Variants in XKR6 observed in about 807,000 individuals in gnomAD.
The protein encoded by XKR6 is XK-related protein 6.
Under a neutral mutation model 56.7 loss-of-function variants are expected in XKR6, and 22 were observed. That is an observed-to-expected ratio of 0.39 (90% CI 0.28 to 0.55). XKR6 has a LOEUF of 0.55. Among genes scored for constraint, XKR6 ranks in the 20% least tolerant of loss-of-function variants. The probability of loss-of-function intolerance (pLI) is 0.66; values close to 1 mark genes in which losing one functional copy is unlikely to be tolerated. For missense variants in XKR6, 852 were observed against 889.0 expected (o/e 0.96, Z 0.53); for synonymous variants, 524 against 387.8 (o/e 1.35, Z -4.13).
chr8:11,183,889 T>C (rs1803126106), intron 1 of XKR6, among the ~76,000 whole-genome samples: 1 of 152,128 alleles, frequency 6.6e-6, no homozygotes, highest in Non-Finnish European at 1.5e-5. Context: ...TTGGAAGCAA[T>C]GTACATAGTA....
At chr8:10,989,271 G>C (rs1041150602) in intron 1 of XKR6, among the ~76,000 whole-genome samples, 4 of 152,218 alleles carry the variant, frequency 2.6e-5, no homozygotes, top group Non-Finnish European at 5.9e-5. Context: ...AAGGCTGACA[G>C]AATTTTACAT....
At chr8:11,126,243 A>G (rs989691820) in intron 1 of XKR6, among the ~76,000 whole-genome samples, 1 of 151,608 alleles carries the variant, frequency 6.6e-6, no homozygotes. Context: ...TAATTTTTGT[A>G]TTTTTAGTAA....
rs1400444879 is a variant in XKR6 at position 10,935,267 on chromosome 8, G to C, written c.765-10437C>G. The stretch of plus-strand genomic sequence containing the variant: ...GATATCCCCTTTATCATTTTTTATT[G>C]TGTCTATTTGATTCTTCTCTCTTTT... On this transcript the variant is annotated intron_variant, in intron 1 of 2. Transcript: ENST00000416569. Among the ~76,000 whole-genome samples, 6 of 129,532 alleles carry C rather than the reference G, an allele frequency of 4.6e-5. No homozygotes were observed. In the South Asian group the frequency reaches 7.4e-4, roughly 16 times the overall value. The allele number at this position is 129,532 out of a possible 152,430, so 85.0% of individuals were successfully genotyped here.
intron 1 of XKR6, among the ~76,000 whole-genome samples, chr8:11,005,107 T>A (rs118133471): frequency 5.3e-5 from 8 of 152,192 alleles, no homozygotes; most frequent in African/African-American, 1.7e-4. Context: ...CTATATATAC[T>A]AAGTTTTTTT....
At chr8:10,968,019 C>A (rs1802281112) in intron 1 of XKR6, among the ~76,000 whole-genome samples, 1 of 152,206 alleles carries the variant, frequency 6.6e-6, no homozygotes, top group Admixed American at 6.5e-5. Context: ...GGCTCAGGGG[C>A]CACCTGTGGA....
chr8:11,135,966 T>G lies in XKR6; in HGVS notation c.764+64610A>C, dbSNP rs529363884. 3.9e-5 allele frequency among the ~76,000 whole-genome samples: 6 copies of G among 152,340 alleles called. No individual in the cohort carries two copies. In the East Asian group the frequency reaches 1.2e-3, roughly 29 times the overall value. ...GGAATAGATTAATATATTGTTTATA[T>G]AACTCAAAGTTACCAGTGTTTCAAC... On this transcript the variant is annotated intron_variant, in intron 1 of 2. Coordinates refer to ENST00000416569, the MANE Select transcript of XKR6 (RefSeq NM_173683.4).
Position 11,046,849 on chromosome 8 carries a change from A to C in XKR6, c.765-122019T>G, listed in dbSNP as rs527980526. Among the ~76,000 whole-genome samples the C allele has an allele frequency of 2.0e-5, 3 of 152,362 alleles. No individual in the cohort carries two copies. In the South Asian group the frequency reaches 6.2e-4, roughly 32 times the overall value. On this transcript the variant is annotated intron_variant, in intron 1 of 2. Transcript: ENST00000416569. ...TTTAAATCCTGTGATTTGCAACAAC[A>C]TGGATGAACCTGGAGGACATTATGC...
At chr8:11,090,836 T>G (rs1241627254) in intron 1 of XKR6, among the ~76,000 whole-genome samples, 1 of 152,212 alleles carries the variant, frequency 6.6e-6, no homozygotes, top group Non-Finnish European at 1.5e-5. Flanking sequence ...GGGCTTATCT[T>G]TTAAGATTGT....
At chr8:11,056,233 T>C (rs1249063676) in intron 1 of XKR6, among the ~76,000 whole-genome samples, 1 of 152,212 alleles carries the variant, frequency 6.6e-6, no homozygotes, top group Admixed American at 6.5e-5. Flanking sequence ...CTGATTACTA[T>C]TCCCAGGGGA....
intron 1 of XKR6, among the ~76,000 whole-genome samples, chr8:11,086,556 G>C (rs1563126820): frequency 6.6e-6 from 1 of 152,172 alleles, no homozygotes; most frequent in Non-Finnish European, 1.5e-5. Flanking sequence ...GGCAACCCTA[G>C]ACTGACAAGT....
chr8:11,150,387 T>G (rs1586619149), intron 1 of XKR6, among the ~76,000 whole-genome samples: 1 of 152,248 alleles, frequency 6.6e-6, no homozygotes, highest in African/African-American at 2.4e-5. Context: ...AAACCCACTG[T>G]TGTTTTATGC....
At chr8:11,026,049 A>G (rs1798853075) in intron 1 of XKR6, among the ~76,000 whole-genome samples, 1 of 152,198 alleles carries the variant, frequency 6.6e-6, no homozygotes, top group South Asian at 2.1e-4. Context: ...GCACCAATCA[A>G]CAACGGGGAT....
At chr8:10,977,824 G>C (rs1194729336) in intron 1 of XKR6, among the ~76,000 whole-genome samples, 1 of 151,608 alleles carries the variant, frequency 6.6e-6, no homozygotes, top group African/African-American at 2.4e-5. Context: ...AGGATCCAGT[G>C]AGCTAATTTT....
chr8:11,171,133 TAGA>T (rs1337127152), intron 1 of XKR6, among the ~76,000 whole-genome samples: 2 of 152,242 alleles, frequency 1.3e-5, no homozygotes, highest in Admixed American at 6.5e-5. Context: ...CCTGGTTGGG[TAGA>T]AGGACAGAAC....
At chr8:11,111,343 CT>C (rs1798881349) in intron 1 of XKR6, among the ~76,000 whole-genome samples, 2 of 152,160 alleles carry the variant, frequency 1.3e-5, no homozygotes, top group African/African-American at 2.4e-5. Context: ...ATTGGCACTT[CT>C]GCCCTACATA....
intron 1 of XKR6, among the ~76,000 whole-genome samples, chr8:11,014,780 A>G (rs1028163643): frequency 4.0e-5 from 6 of 151,674 alleles, no homozygotes; most frequent in African/African-American, 1.5e-4. Flanking sequence ...GGGTCCCCAA[A>G]CCTCAGCATC....
At chr8:11,088,247 GA>G in intron 1 of XKR6, among the ~76,000 whole-genome samples, 2 of 110,012 alleles carry the variant, frequency 1.8e-5, no homozygotes, top group Non-Finnish European at 3.8e-5. Context: ...ATATCTACTT[GA>G]GCCCTTCCCA....
chr8:10,954,866 C>CCTTTTTTTTTT, intron 1 of XKR6, among the ~76,000 whole-genome samples: 1 of 92,792 alleles, frequency 1.1e-5, no homozygotes, highest in Non-Finnish European at 2.2e-5. Context: ...ACTTCATTCT[C>CCTTTTTTTTTT]TTTTTTTTTT....
At position 11,178,553 on chromosome 8, in the gene XKR6, T is replaced by TATATATATAC. The variant is rs1230670729; in HGVS notation, c.764+22022_764+22023insGTATATATAT. On this transcript the variant is annotated intron_variant, in intron 1 of 2. Coordinates refer to ENST00000416569, the MANE Select transcript of XKR6 (RefSeq NM_173683.4). ...CAAACATCTGAGAGGTAAAAATATA[T>TATATATATAC]ATATATATATATATATATATGTATA... Among the ~76,000 whole-genome samples, 144 of 126,900 alleles carry TATATATATAC rather than the reference T, an allele frequency of 1.1e-3. 4 individuals are homozygous for TATATATATAC. Among genetic ancestry groups the TATATATATAC allele is most frequent in the African/African-American group, 5.5e-3 (138 of 24,966 alleles). The allele number at this position is 126,900 out of a possible 152,430, so 83.3% of individuals were successfully genotyped here.
Sources: gnomAD v4.1 joint callset for allele counts (sites outside exome capture counted in the v4.1 genomes callset) on GRCh38, gnomAD v4.1.1 for gene constraint, MANE v1.5 for transcripts, NCBI Gene and HGNC (gene_info 2026-07-23, HGNC 2026-07-21) for gene names.